Variants in CSMD3 observed in about 807,000 individuals in gnomAD.
CSMD3 encodes CUB and sushi domain-containing protein 3.
CSMD3 carries 177 observed loss-of-function variants against 435.2 expected under a neutral mutation model. The ratio of observed to expected loss-of-function variants is 0.41; its 90% confidence interval spans 0.36 to 0.46. CSMD3 has a LOEUF of 0.46. Ranked by LOEUF, CSMD3 falls within the 20% of genes least tolerant of loss-of-function variation. CSMD3 has a pLI of 0.34. For synonymous variants in CSMD3, 1,656 were observed against 1,520.5 expected (o/e 1.09, Z -2.07); for missense variants, 4,265 against 4,504.6 (o/e 0.95, Z 1.52).
intron 38 of CSMD3, among the ~76,000 whole-genome samples, chr8:112,354,870 T>C (rs1282598128): frequency 6.6e-6 from 1 of 152,092 alleles, no homozygotes; most frequent in Non-Finnish European, 1.5e-5. Flanking sequence ...CATATGGAAC[T>C]GAAGTAAAGC....
intron 7 of CSMD3, among the ~76,000 whole-genome samples, chr8:112,968,037 T>G (rs1384348225): frequency 1.3e-5 from 2 of 151,872 alleles, no homozygotes; most frequent in Non-Finnish European, 2.9e-5. Context: ...CAGCTAGGAC[T>G]GGACCTCCAA....
chr8:113,249,514 A>G (rs967057254), intron 3 of CSMD3, among the ~76,000 whole-genome samples: 3 of 152,080 alleles, frequency 2.0e-5, no homozygotes, highest in African/African-American at 7.2e-5. Flanking sequence ...ATAAGGAATC[A>G]ATTTTTTATT....
intron 7 of CSMD3, among the ~76,000 whole-genome samples, chr8:112,956,013 T>C (rs2084004056): frequency 1.3e-5 from 2 of 151,940 alleles, no homozygotes; most frequent in Admixed American, 1.3e-4. Context: ...AAGGGCCTGA[T>C]GGTTTATGTG....
intron 32 of CSMD3, among the ~76,000 whole-genome samples, chr8:112,457,205 T>A (rs2130647174): frequency 6.6e-6 from 1 of 152,154 alleles, no homozygotes; most frequent in East Asian, 1.9e-4. Context: ...GCATTAATAT[T>A]GAAAATAATT....
At chr8:113,419,583 G>A (rs1469462510) in intron 1 of CSMD3, among the ~76,000 whole-genome samples, 3 of 152,092 alleles carry the variant, frequency 2.0e-5, no homozygotes, top group Non-Finnish European at 4.4e-5. Flanking sequence ...GAGTCCTTGG[G>A]TCTGGAGTGC....
chr8:113,103,835 G>A (rs534833372), intron 4 of CSMD3, among the ~76,000 whole-genome samples: 7 of 151,878 alleles, frequency 4.6e-5, no homozygotes, highest in African/African-American at 1.2e-4. Context: ...AAAGTGAAAA[G>A]GTTTTTAAAA....
chr8:112,638,193 T>TTA (rs61375919), intron 21 of CSMD3, among the ~76,000 whole-genome samples: 70,577 of 146,404 alleles, frequency 0.48, 17,556 homozygotes, highest in African/African-American at 0.57. Flanking sequence ...TATTTATTAA[T>TTA]TATATATATA....
chr8:112,681,408 G>T (rs1000943839), intron 16 of CSMD3, among the ~76,000 whole-genome samples: 3 of 151,998 alleles, frequency 2.0e-5, no homozygotes, highest in Admixed American at 1.3e-4. Flanking sequence ...AGTGGAAGGA[G>T]AAATTAAAAT....
chr8:112,790,799 T>G (rs937625543), intron 13 of CSMD3, among the ~76,000 whole-genome samples: 3 of 152,198 alleles, frequency 2.0e-5, no homozygotes, highest in Non-Finnish European at 4.4e-5. Flanking sequence ...TTTTAATTGT[T>G]GAAAATATTC....
At chr8:112,365,553 CAAG>C (rs1464785840) in intron 38 of CSMD3, among the ~76,000 whole-genome samples, 4 of 143,588 alleles carry the variant, frequency 2.8e-5, no homozygotes, top group African/African-American at 1.0e-4. Context: ...TTTCATGCAC[CAAG>C]AAGGATAAAA....
chr8:112,857,089 G>GGT lies in CSMD3; in HGVS notation c.1755+2054_1755+2055dup, dbSNP rs1021877330. On this transcript the variant is annotated intron_variant, in intron 11 of 70. Coordinates refer to ENST00000297405, the MANE Select transcript of CSMD3 (RefSeq NM_198123.2). The stretch of plus-strand genomic sequence containing the variant: ...AAATGTTTTATATGTGTGAAACTGT[G>GGT]GTGTGTGTGTGTGTGTCTGTGTGTT... Among the ~76,000 whole-genome samples the GGT allele has an allele frequency of 6.0e-4, 90 of 150,844 alleles. 2 individuals are homozygous for GGT. In the South Asian group the frequency reaches 0.016, roughly 27 times the overall value.
chr8:113,334,277 G>GTTTTTTTT (rs199620801), intron 1 of CSMD3, among the ~76,000 whole-genome samples: 2 of 78,750 alleles, frequency 2.5e-5, no homozygotes, highest in Admixed American at 1.5e-4. Flanking sequence ...GATAGTTTAA[G>GTTTTTTTT]TTTTTTTTTT....
intron 9 of CSMD3, among the ~76,000 whole-genome samples, chr8:112,922,916 G>T (rs1238076838): frequency 6.6e-6 from 1 of 152,002 alleles, no homozygotes; most frequent in Admixed American, 6.6e-5. Context: ...TTTACATAAC[G>T]GTCAATTATC....
At chr8:112,608,896 A>C (rs1833008500) in intron 22 of CSMD3, among the ~76,000 whole-genome samples, 1 of 152,006 alleles carries the variant, frequency 6.6e-6, no homozygotes, top group Non-Finnish European at 1.5e-5. Flanking sequence ...TAACACTTCT[A>C]ATAGAAAACA....
chr8:112,838,905 C>A (rs1253288826), intron 11 of CSMD3, among the ~76,000 whole-genome samples: 1 of 151,596 alleles, frequency 6.6e-6, no homozygotes, highest in East Asian at 1.9e-4. Flanking sequence ...TTGTATGATA[C>A]AAAATGCTTA....
chr8:112,322,090 A>T (rs1704304816), intron 45 of CSMD3, among the ~76,000 whole-genome samples: 1 of 152,162 alleles, frequency 6.6e-6, no homozygotes, highest in Non-Finnish European at 1.5e-5. Flanking sequence ...GAGAATAGAG[A>T]TCAACTCAGA....
At chr8:112,984,127 C>T (rs1005795253) in intron 6 of CSMD3, among the ~76,000 whole-genome samples, 3 of 151,572 alleles carry the variant, frequency 2.0e-5, no homozygotes, top group African/African-American at 4.8e-5. Flanking sequence ...GCTATCATTG[C>T]CCTAAAAGCA....
chr8:113,104,274 G>T (rs2090413787), intron 4 of CSMD3, among the ~76,000 whole-genome samples: 1 of 152,020 alleles, frequency 6.6e-6, no homozygotes, highest in Non-Finnish European at 1.5e-5. Flanking sequence ...TTTTATCATG[G>T]AACATTTTTT....
chr8:113,017,669 T>A (rs1037106321), intron 6 of CSMD3, among the ~76,000 whole-genome samples: 1 of 151,894 alleles, frequency 6.6e-6, no homozygotes, highest in African/African-American at 2.4e-5. Flanking sequence ...ACTCCACAAG[T>A]AAAAGGGTCA....
Sources: allele counts gnomAD v4.1 joint callset (sites outside exome capture counted in the v4.1 genomes callset), GRCh38; gene constraint gnomAD v4.1.1; transcripts MANE v1.5; gene names NCBI Gene and HGNC (gene_info 2026-07-23, HGNC 2026-07-21).